NRXN1: variants seen among roughly 807,000 people sequenced by gnomAD.
NRXN1 encodes neurexin-1.
NRXN1 carries 39 observed loss-of-function variants against 150.9 expected under a neutral mutation model. The ratio of observed to expected loss-of-function variants is 0.26; its 90% CI spans 0.20 to 0.34. The LOEUF (loss-of-function observed/expected upper bound fraction) is 0.34, where lower values mean the gene tolerates loss of function less well. Ranked by LOEUF, NRXN1 falls within the 10% of genes least tolerant of loss-of-function variation. The pLI, the probability that NRXN1 is intolerant of heterozygous loss-of-function variation, is 1.00. For synonymous variants in NRXN1, 924 were observed against 757.0 expected, an observed-to-expected ratio of 1.22 and a Z score of -3.62; for missense variants, 1,815 against 1,949.9, an observed-to-expected ratio of 0.93 and a Z score of 1.30.
chr2:50,382,694 G>A (rs1031018842), intron 17 of NRXN1, among the ~76,000 whole-genome samples: 1 of 152,186 alleles, frequency 6.6e-6, no homozygotes, highest in African/African-American at 2.4e-5. Context: ...AAGTTCAGCT[G>A]TATACGTATC....
At chr2:50,877,868 T>C (rs1219586741) in intron 5 of NRXN1, among the ~76,000 whole-genome samples, 10 of 151,940 alleles carry the variant, frequency 6.6e-5, no homozygotes, top group Non-Finnish European at 1.2e-4. Context: ...AGAATTCTTT[T>C]CCTTGGCATC....
At chr2:50,281,578 CTGT>C (rs2071471754) in intron 17 of NRXN1, among the ~76,000 whole-genome samples, 1 of 151,540 alleles carries the variant, frequency 6.6e-6, no homozygotes, top group Admixed American at 6.6e-5. Flanking sequence ...ATATGAGATA[CTGT>C]TATTATTAAT....
intron 17 of NRXN1, among the ~76,000 whole-genome samples, chr2:50,395,054 T>C (rs143292938): frequency 1.3e-5 from 2 of 152,234 alleles, no homozygotes; most frequent in East Asian, 3.9e-4. Flanking sequence ...TAGCTCACTT[T>C]TTCCCATTTC....
intron 19 of NRXN1, among the ~76,000 whole-genome samples, chr2:50,080,767 T>A (rs1697834558): frequency 1.3e-5 from 2 of 151,994 alleles, no homozygotes; most frequent in Non-Finnish European, 2.9e-5. Flanking sequence ...GAAAAAAAAA[T>A]TATCTGAGCT....
intron 5 of NRXN1, chr2:50,637,548 C>T (rs567418810): frequency 2.0e-5 from 3 of 152,352 alleles, no homozygotes; most frequent in Non-Finnish European, 2.9e-5. Context: ...TGCTAAACCA[C>T]GAATTCTTGG....
intron 21 of NRXN1, among the ~76,000 whole-genome samples, chr2:50,027,616 A>AT (rs575690092): frequency 1.4e-4 from 21 of 151,866 alleles, no homozygotes; most frequent in Non-Finnish European, 2.8e-4. Flanking sequence ...TAATTTTTAT[A>AT]TTTTTTGTAG....
chr2:49,981,615 A>C (rs1425765332), intron 21 of NRXN1, among the ~76,000 whole-genome samples: 1 of 152,072 alleles, frequency 6.6e-6, no homozygotes, highest in Non-Finnish European at 1.5e-5. Flanking sequence ...TAAATAAGAC[A>C]CCTATGAAGA....
At chr2:50,512,921 T>C (rs1192349296) in intron 12 of NRXN1, among the ~76,000 whole-genome samples, 1 of 152,150 alleles carries the variant, frequency 6.6e-6, no homozygotes, top group East Asian at 1.9e-4. Flanking sequence ...TTACATTTGG[T>C]TCAAATGTAG....
Position 50,081,619 on chromosome 2 carries a change from T to C in NRXN1, c.3718+9704A>G, listed in dbSNP as rs138613997. ...GAAAAGTGGGTAGACAGTGGACAAA[T>C]ATAAATAGCATGAAAATCATGAGAC... On this transcript the variant is annotated intron_variant, in intron 19 of 22. Transcript: ENST00000401669. 3.4e-4 allele frequency among the ~76,000 whole-genome samples: 52 copies of C among 152,270 alleles called. No homozygotes were observed. In the East Asian group the frequency reaches 9.8e-3, roughly 29 times the overall value.
rs911737298 is a variant in NRXN1 at position 51,028,496 on chromosome 2, C to A, written c.-223G>T. On this transcript the variant is annotated 5_prime_UTR_variant, in exon 2 of 23. Coordinates refer to ENST00000401669, the MANE Select transcript of NRXN1 (RefSeq NM_001330078.2). ...CCTCTTCCAACTGGAAAACGTTGAC[C>A]CCAGTGGTACAGGGTAGCCACAGAA... The A allele has an allele frequency of 9.5e-6, 4 of 421,376 alleles. No homozygotes were observed. The South Asian group carries it at 3.5e-4, about 37-fold the overall frequency. 26.1% of individuals were successfully genotyped at this position (421,376 alleles called of 1,614,324 possible).
intron 17 of NRXN1, among the ~76,000 whole-genome samples, chr2:50,253,608 G>C (rs2067382663): frequency 6.6e-6 from 1 of 152,112 alleles, no homozygotes; most frequent in African/African-American, 2.4e-5. Context: ...TTTATTGAGA[G>C]TTTTTAACGT....
At chr2:50,450,836 T>G (rs1055575517) in intron 17 of NRXN1, among the ~76,000 whole-genome samples, 1 of 152,180 alleles carries the variant, frequency 6.6e-6, no homozygotes. Flanking sequence ...AAAAAATATC[T>G]TTTCACAAGT....
intron 17 of NRXN1, among the ~76,000 whole-genome samples, chr2:50,261,461 T>C (rs879927737): frequency 8.6e-5 from 13 of 151,800 alleles, no homozygotes; most frequent in Non-Finnish European, 1.6e-4. Context: ...GCCAATGTAA[T>C]GTATAGCTGA....
intron 18 of NRXN1, among the ~76,000 whole-genome samples, chr2:50,133,637 A>T (rs562417437): frequency 6.6e-5 from 10 of 152,326 alleles, no homozygotes; most frequent in South Asian, 6.2e-4. Flanking sequence ...TTAAAGCCAC[A>T]GACAAGGGAG....
intron 17 of NRXN1, among the ~76,000 whole-genome samples, chr2:50,338,936 CTGTTT>C (rs767970264): frequency 2.9e-4 from 44 of 152,134 alleles, no homozygotes; most frequent in African/African-American, 9.7e-4. Flanking sequence ...CTAAAATTAT[CTGTTT>C]TAAGTAGCAT....
Position 50,320,283 on chromosome 2 carries a change from CATATATATATATATATAT to C in NRXN1, c.3365-83331_3365-83314del, listed in dbSNP as rs61282635. 2.2e-3 allele frequency among the ~76,000 whole-genome samples: 93 copies of C among 43,056 alleles called. 4 individuals are homozygous for C. Among genetic ancestry groups the C allele is most frequent in the Admixed American group, 7.2e-3 (19 of 2,650 alleles). The allele number at this position is 43,056 out of a possible 152,430, so 28.2% of individuals were successfully genotyped here. On this transcript the variant is annotated intron_variant, in intron 17 of 22. Transcript: ENST00000401669. ...TATTCATTTATTCTTATACCTCAAT[CATATATATATATATATAT>C]ATATATATATATATATATATATATA...
intron 18 of NRXN1, among the ~76,000 whole-genome samples, chr2:50,120,252 T>C (rs1485623722): frequency 6.7e-6 from 1 of 149,748 alleles, no homozygotes; most frequent in Non-Finnish European, 1.5e-5. Context: ...TGGTACTATA[T>C]ACACCTTTAT....
intron 15 of NRXN1, among the ~76,000 whole-genome samples, chr2:50,480,958 T>G (rs748586015): frequency 6.6e-6 from 1 of 152,208 alleles, no homozygotes; most frequent in Non-Finnish European, 1.5e-5. Flanking sequence ...ATAACTGACA[T>G]GAGTTAAGTA....
chr2:50,864,198 T>C (rs1193300249), intron 5 of NRXN1, among the ~76,000 whole-genome samples: 1 of 151,986 alleles, frequency 6.6e-6, no homozygotes, highest in East Asian at 1.9e-4. Flanking sequence ...CATTCATCCA[T>C]TTAAGAAATC....
Sources: gnomAD v4.1 joint callset for allele counts (sites outside exome capture counted in the v4.1 genomes callset) on GRCh38, gnomAD v4.1.1 for gene constraint, MANE v1.5 for transcripts, NCBI Gene and HGNC (gene_info 2026-07-23, HGNC 2026-07-21) for gene names.